Variants in RABGAP1L observed in about 807,000 individuals in gnomAD.
The protein encoded by RABGAP1L is rab GTPase-activating protein 1-like.
In RABGAP1L, 63 loss-of-function variants were observed where a neutral mutation model predicts 137.7. The observed-to-expected ratio is 0.46, with a 90% CI of 0.37 to 0.56. The LOEUF (loss-of-function observed/expected upper bound fraction) is 0.56, where lower values mean the gene tolerates loss of function less well. Ranked by LOEUF, RABGAP1L falls within the 20% of genes least tolerant of loss-of-function variation. The pLI, the probability that RABGAP1L is intolerant of heterozygous loss-of-function variation, is 0.00. For missense variants in RABGAP1L, 1,095 were observed against 1,244.0 expected, an observed-to-expected ratio of 0.88 and a Z score of 1.80; for synonymous variants, 431 against 433.7, an observed-to-expected ratio of 0.99 and a Z score of 0.08.
chr1:174,580,548 C>G (rs1041545833), intron 13 of RABGAP1L, among the ~76,000 whole-genome samples: 1 of 151,958 alleles, frequency 6.6e-6, no homozygotes, highest in African/African-American at 2.4e-5. Context: ...CTAAACACTG[C>G]ATGTTCTCAC....
At chr1:174,596,500 A>G (rs1364735002) in intron 13 of RABGAP1L, among the ~76,000 whole-genome samples, 1 of 152,012 alleles carries the variant, frequency 6.6e-6, no homozygotes, top group Non-Finnish European at 1.5e-5. Flanking sequence ...TTAAATTTTA[A>G]ATTTCTTTTT....
At chr1:174,596,368 G>T (rs1396006818) in intron 13 of RABGAP1L, among the ~76,000 whole-genome samples, 1 of 152,022 alleles carries the variant, frequency 6.6e-6, no homozygotes, top group Admixed American at 6.6e-5. Flanking sequence ...CGGCCATCTT[G>T]GTTCCTCCCT....
At chr1:174,575,775 C>T (rs114557444) in intron 13 of RABGAP1L, among the ~76,000 whole-genome samples, 3,596 of 152,228 alleles carry the variant, frequency 0.024, 136 homozygotes, top group African/African-American at 0.082. Flanking sequence ...CCAGGCAGAT[C>T]GGCAGGTCGA....
intron 13 of RABGAP1L, among the ~76,000 whole-genome samples, chr1:174,446,551 A>G (rs1041982315): frequency 1.3e-5 from 2 of 152,206 alleles, no homozygotes; most frequent in African/African-American, 4.8e-5. Context: ...TGATATCAAA[A>G]TGACCTTGGA....
intron 1 of RABGAP1L, among the ~76,000 whole-genome samples, chr1:174,184,901 G>A (rs967985902): frequency 1.3e-5 from 2 of 152,156 alleles, no homozygotes; most frequent in African/African-American, 4.8e-5. Context: ...AAGGTAATTA[G>A]ATTTTACTTT....
intron 13 of RABGAP1L, among the ~76,000 whole-genome samples, chr1:174,584,538 G>A (rs1339808865): frequency 6.6e-6 from 1 of 152,094 alleles, no homozygotes; most frequent in Non-Finnish European, 1.5e-5. Flanking sequence ...GACTAGCCTG[G>A]GCAACATAGC....
intron 15 of RABGAP1L, among the ~76,000 whole-genome samples, chr1:174,684,196 C>A (rs1317706212): frequency 6.6e-6 from 1 of 152,096 alleles, no homozygotes; most frequent in Non-Finnish European, 1.5e-5. Context: ...AAATAACTTA[C>A]AGTATGCTAA....
At chr1:174,373,718 G>A (rs990367065) in intron 12 of RABGAP1L, among the ~76,000 whole-genome samples, 31 of 152,156 alleles carry the variant, frequency 2.0e-4, no homozygotes, top group Non-Finnish European at 2.6e-4. Context: ...GCTGGTGCTG[G>A]CAATGGAATT....
intron 13 of RABGAP1L, among the ~76,000 whole-genome samples, chr1:174,489,564 C>A (rs1480392780): frequency 6.6e-6 from 1 of 151,072 alleles, no homozygotes; most frequent in Non-Finnish European, 1.5e-5. Flanking sequence ...AATAGGAACA[C>A]TTTTATATGG....
At chr1:174,334,005 C>G (rs1236978351) in intron 11 of RABGAP1L, among the ~76,000 whole-genome samples, 1 of 152,156 alleles carries the variant, frequency 6.6e-6, no homozygotes, top group East Asian at 1.9e-4. Flanking sequence ...GGAAGGCTCT[C>G]TATTATGTGC....
intron 13 of RABGAP1L, among the ~76,000 whole-genome samples, chr1:174,456,531 C>T (rs1478018863): frequency 6.6e-6 from 1 of 151,966 alleles, no homozygotes; most frequent in Non-Finnish European, 1.5e-5. Flanking sequence ...TTTGATGTTT[C>T]AGGCTATAGT....
Position 174,614,392 on chromosome 1 carries a change from C to G in RABGAP1L, c.1711-22983C>G, listed in dbSNP as rs551856869. Among the ~76,000 whole-genome samples the G allele has an allele frequency of 1.1e-4, 17 of 152,278 alleles. No individual in the cohort carries two copies. The East Asian group carries it at 2.1e-3, about 19-fold the overall frequency. On this transcript the variant is annotated intron_variant, in intron 13 of 25. Coordinates refer to ENST00000681986, the MANE Select transcript of RABGAP1L (RefSeq NM_001366446.1). Reference sequence around the variant, plus strand: ...AGAATGTTGAATATTGGCCCCCACTCTCTTCTGGCTTCCCCCACTCTCTTC... The same window carrying G: ...AGAATGTTGAATATTGGCCCCCACTGTCTTCTGGCTTCCCCCACTCTCTTC...
chr1:174,383,599 C>T (rs1474224317), intron 12 of RABGAP1L, among the ~76,000 whole-genome samples: 1 of 152,212 alleles, frequency 6.6e-6, no homozygotes, highest in Non-Finnish European at 1.5e-5. Context: ...AGGGAACTCC[C>T]TGACCCCTTG....
intron 13 of RABGAP1L, among the ~76,000 whole-genome samples, chr1:174,509,344 T>C (rs901752401): frequency 1.3e-5 from 2 of 152,192 alleles, no homozygotes; most frequent in Non-Finnish European, 2.9e-5. Flanking sequence ...ATTTTTCTTC[T>C]CTTTTGTCTT....
At chr1:174,384,056 C>G (rs1571542729) in intron 12 of RABGAP1L, among the ~76,000 whole-genome samples, 1 of 152,140 alleles carries the variant, frequency 6.6e-6, no homozygotes, top group Non-Finnish European at 1.5e-5. Flanking sequence ...AATGGATCAA[C>G]CAACTGTGGT....
At chr1:174,250,993 G>C (rs12567854) in intron 6 of RABGAP1L, among the ~76,000 whole-genome samples, 13,625 of 152,258 alleles carry the variant, frequency 0.089, 829 homozygotes, top group East Asian at 0.22. Flanking sequence ...GAGAGACGGG[G>C]TTTCACCCCG....
intron 24 of RABGAP1L, among the ~76,000 whole-genome samples, chr1:174,987,743 A>G (rs1671717429): frequency 6.6e-6 from 1 of 152,226 alleles, no homozygotes; most frequent in Admixed American, 6.5e-5. Context: ...TATTGTCTGG[A>G]AAACAGTTGC....
At chr1:174,239,134 C>T (rs12091157) in intron 4 of RABGAP1L, among the ~76,000 whole-genome samples, 7 of 151,956 alleles carry the variant, frequency 4.6e-5, no homozygotes, top group Non-Finnish European at 8.8e-5. Context: ...GCTCGCGCAC[C>T]GTGCGCGCAC....
intron 1 of RABGAP1L, among the ~76,000 whole-genome samples, chr1:174,175,611 C>T (rs1439197859): frequency 1.3e-5 from 2 of 150,072 alleles, no homozygotes; most frequent in Non-Finnish European, 3.0e-5. Flanking sequence ...CACGTGCCAC[C>T]ACGCCCGGCT....
Sources: allele counts gnomAD v4.1 joint callset (sites outside exome capture counted in the v4.1 genomes callset), GRCh38; gene constraint gnomAD v4.1.1; transcripts MANE v1.5; gene names NCBI Gene and HGNC (gene_info 2026-07-23, HGNC 2026-07-21).